ZNF521: variants seen among roughly 807,000 people sequenced by gnomAD.
ZNF521 encodes zinc finger protein 521, also known as LYST-interacting protein 3.
In ZNF521, 14 loss-of-function variants were observed where a neutral mutation model predicts 105.5. The ratio of observed to expected loss-of-function variants is 0.13; its 90% CI spans 0.09 to 0.21. ZNF521 has a LOEUF of 0.21. ZNF521 is among the 10% of genes least tolerant of loss of function. The probability of loss-of-function intolerance (pLI) is 1.00; values close to 1 mark genes in which losing one functional copy is unlikely to be tolerated. For missense variants in ZNF521, 1,233 were observed against 1,629.7 expected, an observed-to-expected ratio of 0.76 and a Z score of 4.19; for synonymous variants, 635 against 606.0, an observed-to-expected ratio of 1.05 and a Z score of -0.70.
chr18:25,136,673 T>C (rs1018056795), intron 5 of ZNF521: 7 of 152,206 alleles, frequency 4.6e-5, no homozygotes, highest in African/African-American at 7.2e-5. Context: ...TAGGCTACGC[T>C]GTCTCTCCTG....
intron 3 of ZNF521, among the ~76,000 whole-genome samples, chr18:25,293,494 T>A (rs1177058595): frequency 6.6e-6 from 1 of 152,170 alleles, no homozygotes; most frequent in Non-Finnish European, 1.5e-5. Context: ...CTAGCTTTTC[T>A]GGATTCTACC....
intron 3 of ZNF521, among the ~76,000 whole-genome samples, chr18:25,318,467 G>C (rs190136783): frequency 6.6e-6 from 1 of 152,160 alleles, no homozygotes; most frequent in African/African-American, 2.4e-5. Flanking sequence ...TGTAAATGTG[G>C]CACTAAAAAT....
intron 2 of ZNF521, among the ~76,000 whole-genome samples, chr18:25,340,702 A>G (rs2145205674): frequency 6.6e-6 from 1 of 152,294 alleles, no homozygotes; most frequent in South Asian, 2.1e-4. Context: ...TAAGAAATGA[A>G]GTGATACTGA....
intron 5 of ZNF521, among the ~76,000 whole-genome samples, chr18:25,108,939 AATTT>A (rs2034128679): frequency 6.6e-6 from 1 of 152,122 alleles, no homozygotes; most frequent in Non-Finnish European, 1.5e-5. Flanking sequence ...TTTAAAAATT[AATTT>A]ATTTGATTTT....
chr18:25,323,750 A>G (rs1381682960), intron 2 of ZNF521, among the ~76,000 whole-genome samples: 1 of 152,246 alleles, frequency 6.6e-6, no homozygotes, highest in Non-Finnish European at 1.5e-5. Context: ...TGCACATAGC[A>G]CGTTTCTATG....
At chr18:25,289,496 T>C (rs956342474) in intron 3 of ZNF521, among the ~76,000 whole-genome samples, 1 of 152,210 alleles carries the variant, frequency 6.6e-6, no homozygotes, top group Non-Finnish European at 1.5e-5. Context: ...GCTTCTCATA[T>C]TGCTGAAACT....
chr18:25,074,069 T>C (rs1220190361), intron 7 of ZNF521, among the ~76,000 whole-genome samples: 2 of 152,018 alleles, frequency 1.3e-5, no homozygotes, highest in African/African-American at 4.8e-5. Flanking sequence ...TGCGCACGCG[T>C]GTGTGCGTGC....
intron 2 of ZNF521, among the ~76,000 whole-genome samples, chr18:25,331,822 C>T (rs1420249857): frequency 6.6e-6 from 1 of 151,890 alleles, no homozygotes; most frequent in Admixed American, 6.6e-5. Context: ...TAAACCCCAA[C>T]CTCATTCACA....
intron 4 of ZNF521, among the ~76,000 whole-genome samples, chr18:25,197,229 T>C (rs1434908214): frequency 6.6e-6 from 1 of 151,854 alleles, no homozygotes; most frequent in African/African-American, 2.4e-5. Context: ...TATTTTTTAT[T>C]AACAAAGCCA....
At chr18:25,293,804 T>C (rs899101272) in intron 3 of ZNF521, among the ~76,000 whole-genome samples, 8 of 152,236 alleles carry the variant, frequency 5.3e-5, no homozygotes, top group African/African-American at 1.9e-4. Context: ...CATCAAAGCC[T>C]CTACCAGAGG....
intron 7 of ZNF521, 126 bp downstream of exon 7, chr18:25,089,339 C>T (rs946114168): frequency 1.9e-4 from 135 of 712,850 alleles, no homozygotes; most frequent in Non-Finnish European, 3.0e-4. Flanking sequence ...CCCTTTGCCC[C>T]CAATACACAC....
chr18:25,324,523 C>G (rs1311736138), intron 2 of ZNF521, among the ~76,000 whole-genome samples: 2 of 152,088 alleles, frequency 1.3e-5, no homozygotes, highest in African/African-American at 4.8e-5. Flanking sequence ...GCAAATTGAC[C>G]CCCACACCAT....
intron 7 of ZNF521, among the ~76,000 whole-genome samples, chr18:25,067,661 G>A (rs1442460668): frequency 6.6e-6 from 1 of 152,164 alleles, no homozygotes; most frequent in Admixed American, 6.5e-5. Flanking sequence ...CAATCTTGAT[G>A]TAAATTTGAA....
At chr18:25,160,756 G>A (rs1023169592) in intron 5 of ZNF521, among the ~76,000 whole-genome samples, 10 of 152,156 alleles carry the variant, frequency 6.6e-5, no homozygotes, top group Non-Finnish European at 1.5e-4. Context: ...CAAACAAGCC[G>A]TATGCCATAA....
chr18:25,110,685 A>T (rs2034169700), intron 5 of ZNF521, among the ~76,000 whole-genome samples: 1 of 117,324 alleles, frequency 8.5e-6, no homozygotes, highest in African/African-American at 4.5e-5. Context: ...GCCCAAAAGT[A>T]AAAAAAAAAA....
At chr18:25,189,358 A>C (rs1224684249) in intron 5 of ZNF521, among the ~76,000 whole-genome samples, 1 of 152,164 alleles carries the variant, frequency 6.6e-6, no homozygotes, top group Non-Finnish European at 1.5e-5. Context: ...AACCCTCTTC[A>C]TATTTACAGT....
At chr18:25,123,135 T>C (rs1027387801) in intron 5 of ZNF521, among the ~76,000 whole-genome samples, 1 of 145,206 alleles carries the variant, frequency 6.9e-6, no homozygotes, top group African/African-American at 2.5e-5. Context: ...TACTTACAAA[T>C]GACTCATTAT....
At chr18:25,191,358 G>A (rs761395283) in intron 5 of ZNF521, among the ~76,000 whole-genome samples, 2 of 152,094 alleles carry the variant, frequency 1.3e-5, no homozygotes, top group African/African-American at 2.4e-5. Context: ...CATAACTATA[G>A]TAATCAATTC....
At chr18:25,066,749 C>T (rs531289176) in intron 7 of ZNF521, among the ~76,000 whole-genome samples, 2 of 152,166 alleles carry the variant, frequency 1.3e-5, no homozygotes, top group Non-Finnish European at 2.9e-5. Flanking sequence ...AGCAAGGACA[C>T]AAATGCATAT....
Sources: gnomAD v4.1 joint callset for allele counts (sites outside exome capture counted in the v4.1 genomes callset) on GRCh38, gnomAD v4.1.1 for gene constraint, MANE v1.5 for transcripts, NCBI Gene and HGNC (gene_info 2026-07-23, HGNC 2026-07-21) for gene names.